The following PLCG2 variants were observed in gnomAD, a reference collection of about 807,000 sequenced individuals.
PLCG2 encodes the protein phospholipase C gamma 2.
In PLCG2, 69 loss-of-function variants were observed where a neutral mutation model predicts 175.6. The ratio of observed to expected loss-of-function variants is 0.39; its 90% CI spans 0.32 to 0.48. PLCG2 has a LOEUF of 0.48. Among genes scored for constraint, PLCG2 ranks in the 20% least tolerant of loss-of-function variants. The probability of loss-of-function intolerance (pLI) is 0.91; values close to 1 mark genes in which losing one functional copy is unlikely to be tolerated. For missense variants in PLCG2, 1,798 were observed against 1,650.9 expected (o/e 1.09, Z -1.54); for synonymous variants, 827 against 624.0 (o/e 1.33, Z -4.85).
chr16:81,756,172 G>A (rs975649738), intron 2 of PLCG2, among the ~76,000 whole-genome samples: 3 of 152,258 alleles, frequency 2.0e-5, no homozygotes, highest in African/African-American at 7.2e-5. Context: ...AAATAGGGCT[G>A]CTAAGCCCAG....
In PLCG2 at chr16:81,780,145, A is replaced by G. The variant is rs1001919639; in HGVS notation, c.-48+721A>G. Among the ~76,000 whole-genome samples, 13 of 151,722 alleles carry G rather than the reference A, an allele frequency of 8.6e-5. No individual in the cohort carries two copies. In the East Asian group the frequency reaches 1.6e-3, roughly 18 times the overall value. Reference sequence around the variant, plus strand: ...TAATCTTGAACTAGGGTGAGAAACTATGGGGGGCGGGGTGGTAAAGGGGTG... The same window carrying G: ...TAATCTTGAACTAGGGTGAGAAACTGTGGGGGGCGGGGTGGTAAAGGGGTG... On this transcript the variant is annotated intron_variant, in intron 1 of 32. Transcript: ENST00000564138.
chr16:81,753,106 C>A (rs988566506), intron 1 of PLCG2, among the ~76,000 whole-genome samples: 13 of 152,198 alleles, frequency 8.5e-5, no homozygotes, highest in Non-Finnish European at 1.9e-4. Flanking sequence ...CTGAGGATGG[C>A]CAGTGGCAGC....
At chr16:81,822,617 C>T (rs1238005021) in intron 2 of PLCG2, among the ~76,000 whole-genome samples, 1 of 151,904 alleles carries the variant, frequency 6.6e-6, no homozygotes, top group Admixed American at 6.6e-5. Flanking sequence ...ATTAACTGGG[C>T]ATGGTGGCGT....
At chr16:81,863,043 A>G (rs1567504372) in intron 5 of PLCG2, among the ~76,000 whole-genome samples, 1 of 152,254 alleles carries the variant, frequency 6.6e-6, no homozygotes, top group Non-Finnish European at 1.5e-5. Context: ...GGTAACAACA[A>G]TGAAACATAG....
intron 1 of PLCG2, among the ~76,000 whole-genome samples, chr16:81,741,387 C>G (rs921841154): frequency 6.6e-6 from 1 of 152,180 alleles, no homozygotes; most frequent in Non-Finnish European, 1.5e-5. Flanking sequence ...AAAGCATCCA[C>G]TATATCATAT....
In PLCG2 at chr16:81,915,268, G is replaced by A. The variant is rs1441851805; in HGVS notation, c.2054+2552G>A. ...ACTTCTCCTTGCCCTCTACATATTT[G>A]TAAAGTGCCTCTCCTGTGCCAGGCA... On this transcript the variant is annotated intron_variant, in intron 19 of 32. Coordinates refer to ENST00000564138, the MANE Select transcript of PLCG2 (RefSeq NM_002661.5). Among the ~76,000 whole-genome samples the A allele has an allele frequency of 2.0e-5, 3 of 152,190 alleles. No homozygotes were observed. The East Asian group carries it at 5.8e-4, about 29-fold the overall frequency.
At chr16:81,947,599 C>G (rs1438556058) in intron 31 of PLCG2, among the ~76,000 whole-genome samples, 1 of 152,186 alleles carries the variant, frequency 6.6e-6, no homozygotes, top group Non-Finnish European at 1.5e-5. Flanking sequence ...AATGATTGAT[C>G]CAGTAAGGGC....
chr16:81,822,671 C>G (rs747362526), intron 2 of PLCG2, among the ~76,000 whole-genome samples: 14 of 144,502 alleles, frequency 9.7e-5, no homozygotes, highest in Non-Finnish European at 1.8e-4. Flanking sequence ...GCAGGAGAAT[C>G]GCTTGAACCC....
chr16:81,880,980 G>C, intron 8 of PLCG2, 27 bp downstream of exon 8: 19 of 1,612,676 alleles, frequency 1.2e-5, no homozygotes, highest in Non-Finnish European at 1.6e-5. Flanking sequence ...GTGTCGTTCG[G>C]GGCGGCTGTG....
At chr16:81,749,611 C>G (rs1325405377) in intron 1 of PLCG2, among the ~76,000 whole-genome samples, 5 of 152,194 alleles carry the variant, frequency 3.3e-5, no homozygotes, top group Non-Finnish European at 7.3e-5. Context: ...GCCTTGGCCT[C>G]CCAAACTGCT....
intron 2 of PLCG2, among the ~76,000 whole-genome samples, chr16:81,819,857 T>C (rs1184577480): frequency 6.6e-6 from 1 of 152,238 alleles, no homozygotes; most frequent in African/African-American, 2.4e-5. Context: ...GTGCTGGGAT[T>C]ACAGCTGTGA....
intron 2 of PLCG2, among the ~76,000 whole-genome samples, chr16:81,850,266 G>A (rs1342168931): frequency 6.6e-6 from 1 of 152,160 alleles, no homozygotes; most frequent in African/African-American, 2.4e-5. Context: ...ATAAGAAAGT[G>A]TGCTCATTTT....
intron 13 of PLCG2, chr16:81,898,462 G>A (rs1178984656): frequency 6.6e-6 from 1 of 151,882 alleles, no homozygotes; most frequent in African/African-American, 2.4e-5. Flanking sequence ...GGAGTGAGCT[G>A]GGTCCACGCT....
intron 2 of PLCG2, among the ~76,000 whole-genome samples, chr16:81,822,692 G>T (rs186762558): frequency 5.6e-4 from 82 of 147,006 alleles, no homozygotes; most frequent in Middle Eastern, 3.5e-3. Context: ...GGGAGGTGAA[G>T]GTTGTAGTGA....
intron 2 of PLCG2, among the ~76,000 whole-genome samples, chr16:81,789,089 G>T (rs141610541): frequency 1.3e-5 from 2 of 152,252 alleles, no homozygotes; most frequent in East Asian, 3.9e-4. Context: ...TAACAAACCT[G>T]CATGCTCTTC....
At chr16:81,942,224 C>A (rs550723670) in intron 30 of PLCG2, among the ~76,000 whole-genome samples, 1 of 152,184 alleles carries the variant, frequency 6.6e-6, no homozygotes, top group Non-Finnish European at 1.5e-5. Flanking sequence ...CCTCCCAGTG[C>A]CTTGCAGAGA....
Position 81,782,383 on chromosome 16 carries a change from CT to C in PLCG2, c.-48+2969del, listed in dbSNP as rs538600912. 2.7e-4 allele frequency among the ~76,000 whole-genome samples: 40 copies of C among 148,860 alleles called. No individual in the cohort carries two copies. The East Asian group carries it at 5.7e-3, about 21-fold the overall frequency. Reference sequence around the variant, plus strand: ...CAGGAACAAAAAAGGGATTTCAAGGCTTTTTTTTTTCTTTTTTTGAAAAAAC... The same window carrying C: ...CAGGAACAAAAAAGGGATTTCAAGGCTTTTTTTTTCTTTTTTTGAAAAAAC... On this transcript the variant is annotated intron_variant, in intron 1 of 32. Transcript: ENST00000564138.
At chr16:81,751,460 C>T (rs983535143) in intron 1 of PLCG2, among the ~76,000 whole-genome samples, 4 of 152,262 alleles carry the variant, frequency 2.6e-5, no homozygotes, top group African/African-American at 7.2e-5. Flanking sequence ...ATGGTGGTTA[C>T]AGAGGCTCGA....
intron 3 of PLCG2, among the ~76,000 whole-genome samples, chr16:81,856,318 T>A (rs976466197): frequency 6.6e-6 from 1 of 152,150 alleles, no homozygotes; most frequent in Non-Finnish European, 1.5e-5. Flanking sequence ...ATTTTACAGG[T>A]GAGATGAGGC....
Sources: gnomAD v4.1 joint callset for allele counts (sites outside exome capture counted in the v4.1 genomes callset) on GRCh38, gnomAD v4.1.1 for gene constraint, MANE v1.5 for transcripts, NCBI Gene and HGNC (gene_info 2026-07-23, HGNC 2026-07-21) for gene names.